Variants in ARHGAP15 observed in about 807,000 individuals in gnomAD.
ARHGAP15 encodes Rho GTPase activating protein 15.
Under a neutral mutation model 63.7 loss-of-function variants are expected in ARHGAP15, and 51 were observed. The ratio of observed to expected loss-of-function variants is 0.80; its 90% CI spans 0.64 to 1.01. ARHGAP15 has a LOEUF of 1.01. ARHGAP15 is among the 50% of genes least tolerant of loss of function. The probability of loss-of-function intolerance (pLI) is 0.00; values close to 1 mark genes in which losing one functional copy is unlikely to be tolerated. For synonymous variants in ARHGAP15, 191 were observed against 193.8 expected, an observed-to-expected ratio of 0.99 and a Z score of 0.12; for missense variants, 560 against 564.6, an observed-to-expected ratio of 0.99 and a Z score of 0.08.
chr2:143,536,703 T>C (rs1033612243), intron 10 of ARHGAP15, among the ~76,000 whole-genome samples: 1 of 152,060 alleles, frequency 6.6e-6, no homozygotes, highest in African/African-American at 2.4e-5. Context: ...GAACATGAAC[T>C]CATCATTTTT....
At chr2:143,203,201 C>T (rs1255167494) in intron 3 of ARHGAP15, among the ~76,000 whole-genome samples, 3 of 152,020 alleles carry the variant, frequency 2.0e-5, no homozygotes, top group African/African-American at 7.2e-5. Context: ...TTTTTTGCTT[C>T]AGTGTTCCTG....
At chr2:143,418,999 A>C (rs374341259) in intron 6 of ARHGAP15, among the ~76,000 whole-genome samples, 98 of 152,338 alleles carry the variant, frequency 6.4e-4, no homozygotes, top group African/African-American at 2.1e-3. Context: ...AGAAACAAAA[A>C]TAATTTCATT....
intron 10 of ARHGAP15, among the ~76,000 whole-genome samples, chr2:143,555,611 A>C (rs549057719): frequency 6.6e-6 from 1 of 152,130 alleles, no homozygotes; most frequent in East Asian, 1.9e-4. Flanking sequence ...AAACAAGTGA[A>C]TGATTATTGA....
At chr2:143,668,534 T>A (rs2381554) in intron 12 of ARHGAP15, among the ~76,000 whole-genome samples, 6 of 149,640 alleles carry the variant, frequency 4.0e-5, no homozygotes, top group African/African-American at 1.5e-4. Context: ...ACCCATGCTT[T>A]AAACTATGTC....
chr2:143,457,032 G>A (rs539442379), intron 8 of ARHGAP15, among the ~76,000 whole-genome samples: 20 of 152,006 alleles, frequency 1.3e-4, no homozygotes, highest in Non-Finnish European at 2.2e-4. Context: ...ATCTCGAATC[G>A]TAACTTGATT....
intron 12 of ARHGAP15, among the ~76,000 whole-genome samples, chr2:143,648,025 A>G (rs1452351600): frequency 1.3e-5 from 2 of 152,020 alleles, no homozygotes; most frequent in Non-Finnish European, 2.9e-5. Flanking sequence ...CACTCAGAGG[A>G]TTGATACTGC....
chr2:143,252,711 A>T (rs1680218686), intron 6 of ARHGAP15, among the ~76,000 whole-genome samples: 1 of 152,060 alleles, frequency 6.6e-6, no homozygotes, highest in Admixed American at 6.6e-5. Context: ...GAGTTTTGGT[A>T]AAACTGACTA....
chr2:143,383,448 T>C (rs977966310), intron 6 of ARHGAP15, among the ~76,000 whole-genome samples: 6 of 152,204 alleles, frequency 3.9e-5, no homozygotes, highest in Non-Finnish European at 5.9e-5. Flanking sequence ...AAAAGAATTA[T>C]ATTTACAAAT....
chr2:143,729,130 T>C (rs139897561), intron 13 of ARHGAP15, among the ~76,000 whole-genome samples: 25 of 152,338 alleles, frequency 1.6e-4, no homozygotes, highest in African/African-American at 5.5e-4. Context: ...GCGGCTCACA[T>C]ACCTGAGAAA....
intron 11 of ARHGAP15, chr2:143,607,830 A>G (rs1423868119): frequency 6.6e-6 from 1 of 152,114 alleles, no homozygotes; most frequent in African/African-American, 2.4e-5. Context: ...TCTCCACCCC[A>G]CTGAAGGGCT....
At chr2:143,357,917 C>A (rs1685875703) in intron 6 of ARHGAP15, among the ~76,000 whole-genome samples, 1 of 152,020 alleles carries the variant, frequency 6.6e-6, no homozygotes, top group African/African-American at 2.4e-5. Flanking sequence ...TTTGCATAAA[C>A]CTTAAGAGAG....
intron 6 of ARHGAP15, among the ~76,000 whole-genome samples, chr2:143,302,654 GT>G (rs1474291978): frequency 6.6e-6 from 1 of 151,916 alleles, no homozygotes; most frequent in Admixed American, 6.6e-5. Context: ...ATTCTCCCAG[GT>G]AGTGAACTAT....
At chr2:143,281,954 C>G (rs1681872154) in intron 6 of ARHGAP15, among the ~76,000 whole-genome samples, 1 of 152,092 alleles carries the variant, frequency 6.6e-6, no homozygotes, top group Non-Finnish European at 1.5e-5. Flanking sequence ...CCTTCACTCT[C>G]AGACTAAATG....
intron 6 of ARHGAP15, among the ~76,000 whole-genome samples, chr2:143,387,179 A>C (rs988050020): frequency 2.0e-5 from 3 of 152,176 alleles, no homozygotes; most frequent in African/African-American, 2.4e-5. Flanking sequence ...ATTAATTCCT[A>C]GGGAAAAAAG....
At chr2:143,303,352 A>G (rs1362221189) in intron 6 of ARHGAP15, among the ~76,000 whole-genome samples, 1 of 152,106 alleles carries the variant, frequency 6.6e-6, no homozygotes, top group Non-Finnish European at 1.5e-5. Flanking sequence ...AAGGATATGA[A>G]TGGACACTTC....
chr2:143,139,768 C>A (rs1045713365), intron 1 of ARHGAP15, among the ~76,000 whole-genome samples: 1 of 151,978 alleles, frequency 6.6e-6, no homozygotes, highest in Non-Finnish European at 1.5e-5. Context: ...AATTTTAGTA[C>A]GGAACTTTTT....
At chr2:143,418,622 A>G (rs1688784297) in intron 6 of ARHGAP15, among the ~76,000 whole-genome samples, 1 of 152,188 alleles carries the variant, frequency 6.6e-6, no homozygotes, top group Non-Finnish European at 1.5e-5. Context: ...GATTTCTAAG[A>G]ATTAAAATAT....
intron 13 of ARHGAP15, among the ~76,000 whole-genome samples, chr2:143,753,962 A>T (rs1036051361): frequency 6.6e-6 from 1 of 152,154 alleles, no homozygotes; most frequent in Non-Finnish European, 1.5e-5. Context: ...CATTACACCA[A>T]CTAGTCTCCT....
intron 8 of ARHGAP15, among the ~76,000 whole-genome samples, chr2:143,437,840 A>G (rs897075070): frequency 3.9e-5 from 6 of 152,080 alleles, no homozygotes; most frequent in African/African-American, 1.2e-4. Context: ...CCTGGTCAAC[A>G]TGGCCAAACT....
Sources: allele counts gnomAD v4.1 joint callset (sites outside exome capture counted in the v4.1 genomes callset), GRCh38; gene constraint gnomAD v4.1.1; transcripts MANE v1.5; gene names NCBI Gene and HGNC (gene_info 2026-07-23, HGNC 2026-07-21).